Variants in EXOC4 observed in about 807,000 individuals in gnomAD.
The protein encoded by EXOC4 is exocyst complex component 4, also known as SEC8-like 1.
A neutral mutation model predicts 107.2 loss-of-function variants in EXOC4; 71 were observed. That is an observed-to-expected ratio of 0.66 (90% CI 0.55 to 0.81). The LOEUF (loss-of-function observed/expected upper bound fraction) is 0.81. EXOC4 is among the 30% of genes least tolerant of loss of function. The probability of loss-of-function intolerance (pLI) is 0.00; values close to 1 mark genes in which losing one functional copy is unlikely to be tolerated. For synonymous variants in EXOC4, 456 were observed against 441.2 expected, an observed-to-expected ratio of 1.03 and a Z score of -0.42; for missense variants, 1,108 against 1,189.6, an observed-to-expected ratio of 0.93 and a Z score of 1.01.
chr7:133,285,228 CGTT>C (rs1794248450), intron 2 of EXOC4, among the ~76,000 whole-genome samples: 1 of 152,090 alleles, frequency 6.6e-6, no homozygotes, highest in Non-Finnish European at 1.5e-5. Context: ...TGTGCCATTG[CGTT>C]GTTGTTTTCC....
chr7:133,587,816 T>C (rs1247141105), intron 9 of EXOC4, among the ~76,000 whole-genome samples: 2 of 152,214 alleles, frequency 1.3e-5, no homozygotes, highest in Non-Finnish European at 2.9e-5. Context: ...TTCCTGCCAA[T>C]GATGACATGA....
intron 4 of EXOC4, among the ~76,000 whole-genome samples, chr7:133,313,280 T>C (rs907146588): frequency 2.0e-5 from 3 of 152,134 alleles, no homozygotes; most frequent in Non-Finnish European, 2.9e-5. Context: ...ATCATTCTTA[T>C]TCTTTCTGAG....
chr7:133,575,549 A>G (rs960635353), intron 9 of EXOC4, among the ~76,000 whole-genome samples: 3 of 152,224 alleles, frequency 2.0e-5, no homozygotes, highest in Non-Finnish European at 4.4e-5. Flanking sequence ...ATGGTAGGAT[A>G]GGGTAATGGG....
chr7:133,664,451 A>G (rs1248104958), intron 10 of EXOC4, among the ~76,000 whole-genome samples: 1 of 152,100 alleles, frequency 6.6e-6, no homozygotes, highest in African/African-American at 2.4e-5. Flanking sequence ...CGATTTTTCT[A>G]CTGATCTCCA....
At chr7:133,393,686 A>T (rs1322411907) in intron 7 of EXOC4, among the ~76,000 whole-genome samples, 3 of 152,168 alleles carry the variant, frequency 2.0e-5, no homozygotes, top group Admixed American at 2.0e-4. Flanking sequence ...TACAGCAAGA[A>T]TATGGCCATC....
At chr7:133,510,439 T>A (rs1799747626) in intron 9 of EXOC4, among the ~76,000 whole-genome samples, 1 of 152,186 alleles carries the variant, frequency 6.6e-6, no homozygotes, top group East Asian at 1.9e-4. Flanking sequence ...GCTCTTCAAG[T>A]CCTTAACACA....
rs1476798712 is a variant in EXOC4 at position 133,259,342 on chromosome 7, C to T, written c.86+6155C>T. ...CCGCCTCCTGGGTTCAAGCGATTCTCCTGCCTCAGCCTCCTGAGTAGCTGG... is the reference window on the plus strand; with the variant it reads ...CCGCCTCCTGGGTTCAAGCGATTCTTCTGCCTCAGCCTCCTGAGTAGCTGG... On this transcript the variant is annotated intron_variant, in intron 1 of 17. Coordinates refer to ENST00000253861, the MANE Select transcript of EXOC4 (RefSeq NM_021807.4). Among the ~76,000 whole-genome samples the T allele has an allele frequency of 3.3e-5, 5 of 151,242 alleles. 1 individual carries two copies. The South Asian group carries it at 8.4e-4, about 25-fold the overall frequency.
intron 7 of EXOC4, among the ~76,000 whole-genome samples, chr7:133,410,074 C>A (rs1797322403): frequency 6.6e-6 from 1 of 152,126 alleles, no homozygotes; most frequent in African/African-American, 2.4e-5. Flanking sequence ...TTTACCCAGG[C>A]CTCCCTGCTT....
At chr7:133,798,272 G>A (rs1466279297) in intron 10 of EXOC4, among the ~76,000 whole-genome samples, 1 of 152,092 alleles carries the variant, frequency 6.6e-6, no homozygotes, top group Admixed American at 6.5e-5. Context: ...CATAAACATA[G>A]GATATTGTGA....
intron 9 of EXOC4, among the ~76,000 whole-genome samples, chr7:133,494,636 G>A (rs1046025366): frequency 6.6e-6 from 1 of 152,190 alleles, no homozygotes; most frequent in Non-Finnish European, 1.5e-5. Flanking sequence ...TGTAAATTGA[G>A]TGGTTGACTA....
At chr7:133,579,997 C>T (rs573529031) in intron 9 of EXOC4, among the ~76,000 whole-genome samples, 18 of 152,244 alleles carry the variant, frequency 1.2e-4, no homozygotes, top group African/African-American at 3.6e-4. Flanking sequence ...GCCCGGCCCA[C>T]AATATTACTT....
intron 9 of EXOC4, among the ~76,000 whole-genome samples, chr7:133,581,407 C>A (rs1026418541): frequency 6.6e-6 from 1 of 152,070 alleles, no homozygotes; most frequent in Non-Finnish European, 1.5e-5. Flanking sequence ...AAGCATAGTA[C>A]CCACAGGTAC....
chr7:134,086,099 A>G, the EXOC4 span, among the ~76,000 whole-genome samples: 1 of 152,232 alleles, frequency 6.6e-6, no homozygotes, highest in African/African-American at 2.4e-5. Context: ...ATCTCTGTTC[A>G]GTCATTAGCT....
chr7:134,037,448 C>T (rs576558133), intron 17 of EXOC4, among the ~76,000 whole-genome samples: 2 of 152,254 alleles, frequency 1.3e-5, no homozygotes, highest in African/African-American at 4.8e-5. Context: ...AATTGAATTT[C>T]TCTAGCATTT....
At chr7:133,971,581 G>A (rs1233621475) in intron 14 of EXOC4, among the ~76,000 whole-genome samples, 1 of 151,760 alleles carries the variant, frequency 6.6e-6, no homozygotes, top group African/African-American at 2.4e-5. Context: ...AAGGCAGGAT[G>A]TTTGCAGAAA....
At chr7:133,485,843 C>A (rs1799260235) in intron 9 of EXOC4, among the ~76,000 whole-genome samples, 1 of 152,004 alleles carries the variant, frequency 6.6e-6, no homozygotes, top group African/African-American at 2.4e-5. Context: ...GACTGGGAGT[C>A]CTGTGATTTG....
At chr7:133,548,704 C>G (rs1204418559) in intron 9 of EXOC4, among the ~76,000 whole-genome samples, 8 of 152,218 alleles carry the variant, frequency 5.3e-5, no homozygotes, top group Admixed American at 5.2e-4. Context: ...TTTCTCACCT[C>G]TCTCAGCCTT....
intron 6 of EXOC4, among the ~76,000 whole-genome samples, chr7:133,371,067 T>A (rs941421643): frequency 2.6e-5 from 4 of 152,174 alleles, no homozygotes; most frequent in Non-Finnish European, 4.4e-5. Context: ...AAGAGAAAAG[T>A]TGATGTCCTC....
Position 134,062,979 on chromosome 7 carries a change from C to T in EXOC4, c.2688-1312C>T, listed in dbSNP as rs142426640. Reference sequence around the variant, plus strand: ...CTCCTCTTTCTGCTAGAATTGTAACCAATGCCCTGCCAGACCATTCTGCGT... The same window carrying T: ...CTCCTCTTTCTGCTAGAATTGTAACTAATGCCCTGCCAGACCATTCTGCGT... On this transcript the variant is annotated intron_variant, in intron 17 of 17. Coordinates refer to ENST00000253861, the MANE Select transcript of EXOC4 (RefSeq NM_021807.4). Among the ~76,000 whole-genome samples the T allele has an allele frequency of 3.5e-3, 540 of 152,334 alleles. 1 individual carries two copies. Among genetic ancestry groups the T allele is most frequent in the African/African-American group, 7.8e-3 (325 of 41,584 alleles).
Sources: allele counts gnomAD v4.1 joint callset (sites outside exome capture counted in the v4.1 genomes callset), GRCh38; gene constraint gnomAD v4.1.1; transcripts MANE v1.5; gene names NCBI Gene and HGNC (gene_info 2026-07-23, HGNC 2026-07-21).